Variants in ADGRL3 observed in about 807,000 individuals in gnomAD.
ADGRL3 encodes the protein calcium-independent alpha-latrotoxin receptor 3.
A neutral mutation model predicts 153.5 loss-of-function variants in ADGRL3; 62 were observed. That is an observed-to-expected ratio of 0.40 (90% confidence interval 0.33 to 0.50). The LOEUF (loss-of-function observed/expected upper bound fraction) is 0.50, where lower values mean the gene tolerates loss of function less well. Among genes scored for constraint, ADGRL3 ranks in the 20% least tolerant of loss-of-function variants. The probability of loss-of-function intolerance (pLI) is 0.47; values close to 1 mark genes in which losing one functional copy is unlikely to be tolerated. For missense variants in ADGRL3, 1,641 were observed against 1,859.4 expected, an observed-to-expected ratio of 0.88 and a Z score of 2.16; for synonymous variants, 710 against 672.5, an observed-to-expected ratio of 1.06 and a Z score of -0.86.
At chr4:61,819,719 A>C (rs1000364307) in intron 9 of ADGRL3, among the ~76,000 whole-genome samples, 2 of 152,126 alleles carry the variant, frequency 1.3e-5, no homozygotes, top group Non-Finnish European at 2.9e-5. Context: ...TGTGAACTCA[A>C]TCTAAAAATA....
chr4:61,505,472 A>G (rs2098422085), intron 3 of ADGRL3, among the ~76,000 whole-genome samples: 1 of 152,138 alleles, frequency 6.6e-6, no homozygotes, highest in South Asian at 2.1e-4. Context: ...TGAATTGTAT[A>G]CAAAACAGCA....
At chr4:61,879,057 T>C (rs142809187) in intron 9 of ADGRL3, among the ~76,000 whole-genome samples, 1,573 of 152,294 alleles carry the variant, frequency 0.01, 33 homozygotes, top group African/African-American at 0.034. Flanking sequence ...TGTTGAAATA[T>C]CATAGAGTAG....
At chr4:61,222,295 T>G (rs1745968770) in intron 1 of ADGRL3, among the ~76,000 whole-genome samples, 1 of 152,166 alleles carries the variant, frequency 6.6e-6, no homozygotes, top group Admixed American at 6.5e-5. Flanking sequence ...TATGTGTTTT[T>G]GTTTTTATTT....
chr4:61,342,832 T>C (rs978341043), intron 1 of ADGRL3, among the ~76,000 whole-genome samples: 6 of 152,188 alleles, frequency 3.9e-5, no homozygotes, highest in Admixed American at 6.5e-5. Context: ...GCCATGATTT[T>C]CCTTGTTTTA....
chr4:61,785,723 T>C lies in ADGRL3; in HGVS notation c.1400-28086T>C, dbSNP rs1288478453. On this transcript the variant is annotated intron_variant, in intron 8 of 26. Transcript: ENST00000683033. ...GTGCTATTTCTAACATTATCAGAGA[T>C]GTATTCTGGCAACTAGGCATACTGC... Among the ~76,000 whole-genome samples, 2 of 152,234 alleles carry C rather than the reference T, an allele frequency of 1.3e-5. 1 individual carries two copies. Among genetic ancestry groups the C allele is most frequent in the African/African-American group, 4.8e-5 (2 of 41,468 alleles).
At chr4:61,855,176 T>A (rs1581160955) in intron 9 of ADGRL3, among the ~76,000 whole-genome samples, 1 of 152,166 alleles carries the variant, frequency 6.6e-6, no homozygotes, top group East Asian at 1.9e-4. Flanking sequence ...TTGAGACAAG[T>A]GTACCACAGT....
At chr4:61,821,003 G>A (rs892224615) in intron 9 of ADGRL3, among the ~76,000 whole-genome samples, 7 of 152,148 alleles carry the variant, frequency 4.6e-5, no homozygotes, top group African/African-American at 1.7e-4. Context: ...TATTATTTGA[G>A]GTTTACATAT....
At chr4:61,874,474 T>G (rs549007061) in intron 9 of ADGRL3, among the ~76,000 whole-genome samples, 1 of 152,188 alleles carries the variant, frequency 6.6e-6, no homozygotes, top group Admixed American at 6.5e-5. Context: ...TATAAGCAAG[T>G]ACAGGCTCCA....
intron 8 of ADGRL3, among the ~76,000 whole-genome samples, chr4:61,770,456 T>A (rs1283422549): frequency 6.6e-6 from 1 of 152,124 alleles, no homozygotes; most frequent in Admixed American, 6.5e-5. Context: ...AAAGAAAGGA[T>A]GTATGGTTTC....
At chr4:61,297,091 A>T (rs2094435838) in intron 1 of ADGRL3, among the ~76,000 whole-genome samples, 1 of 152,144 alleles carries the variant, frequency 6.6e-6, no homozygotes, top group Admixed American at 6.6e-5. Context: ...ACATTATTCC[A>T]GTCATTATAT....
intron 1 of ADGRL3, among the ~76,000 whole-genome samples, chr4:61,284,340 C>G (rs1405718088): frequency 6.6e-6 from 1 of 151,764 alleles, no homozygotes; most frequent in African/African-American, 2.4e-5. Context: ...CTTCCTTAAC[C>G]GCTGAGACAA....
intron 24 of ADGRL3, among the ~76,000 whole-genome samples, chr4:62,043,114 TTTGG>T (rs1423963609): frequency 2.0e-5 from 3 of 152,060 alleles, no homozygotes; most frequent in African/African-American, 7.2e-5. Context: ...TGACAGTCAT[TTTGG>T]TTGATCATAT....
chr4:61,285,253 A>G (rs2093888706), intron 1 of ADGRL3, among the ~76,000 whole-genome samples: 1 of 151,874 alleles, frequency 6.6e-6, no homozygotes, highest in South Asian at 2.1e-4. Flanking sequence ...TAAATTATAG[A>G]TTTAGCTTAC....
chr4:61,318,280 C>T (rs1389415466), intron 1 of ADGRL3, among the ~76,000 whole-genome samples: 1 of 150,536 alleles, frequency 6.6e-6, no homozygotes, highest in Non-Finnish European at 1.5e-5. Context: ...ATGAATGATT[C>T]TGGAAATAGT....
At chr4:62,059,769 T>G (rs973607598) in intron 25 of ADGRL3, among the ~76,000 whole-genome samples, 5 of 152,160 alleles carry the variant, frequency 3.3e-5, no homozygotes, top group Non-Finnish European at 7.4e-5. Flanking sequence ...CATTGTGTCA[T>G]ACACTTAGCT....
intron 4 of ADGRL3, among the ~76,000 whole-genome samples, chr4:61,525,287 A>G (rs530850338): frequency 6.6e-6 from 1 of 152,256 alleles, no homozygotes; most frequent in South Asian, 2.1e-4. Flanking sequence ...GATGAGAGGT[A>G]GTAGAGGAGG....
At chr4:61,271,299 G>A (rs2093164715) in intron 1 of ADGRL3, among the ~76,000 whole-genome samples, 1 of 151,848 alleles carries the variant, frequency 6.6e-6, no homozygotes, top group South Asian at 2.1e-4. Flanking sequence ...TTTTTCAAAT[G>A]TCTCATCTCA....
At chr4:61,673,132 T>G (rs1277656699) in intron 5 of ADGRL3, among the ~76,000 whole-genome samples, 1 of 151,840 alleles carries the variant, frequency 6.6e-6, no homozygotes, top group Non-Finnish European at 1.5e-5. Flanking sequence ...TCTAAGAAAG[T>G]CAAACTTCTA....
intron 4 of ADGRL3, among the ~76,000 whole-genome samples, chr4:61,520,910 T>A (rs1256127845): frequency 6.6e-6 from 1 of 152,064 alleles, no homozygotes; most frequent in Admixed American, 6.5e-5. Flanking sequence ...TCAGCCTGAA[T>A]TGTGCACCAC....
Sources: allele counts gnomAD v4.1 joint callset (sites outside exome capture counted in the v4.1 genomes callset), GRCh38; gene constraint gnomAD v4.1.1; transcripts MANE v1.5; gene names NCBI Gene and HGNC (gene_info 2026-07-23, HGNC 2026-07-21).